The following UNC5D variants were observed in gnomAD, a reference collection of about 807,000 sequenced individuals.
UNC5D encodes netrin receptor UNC5D.
Under a neutral mutation model 105.4 loss-of-function variants are expected in UNC5D, and 39 were observed. The observed-to-expected ratio is 0.37, with a 90% confidence interval of 0.29 to 0.48. The LOEUF is 0.48. Among genes scored for constraint, UNC5D ranks in the 20% least tolerant of loss-of-function variants. The pLI, the probability that UNC5D is intolerant of heterozygous loss-of-function variation, is 0.98. For synonymous variants in UNC5D, 452 were observed against 450.4 expected, an observed-to-expected ratio of 1.00 and a Z score of -0.04; for missense variants, 991 against 1,202.4, an observed-to-expected ratio of 0.82 and a Z score of 2.60.
chr8:35,773,181 C>T (rs1332665638), intron 15 of UNC5D, among the ~76,000 whole-genome samples: 1 of 152,060 alleles, frequency 6.6e-6, no homozygotes, highest in Non-Finnish European at 1.5e-5. Context: ...CCTTAAAATT[C>T]TGTTAGTCCA....
Position 35,235,739 on chromosome 8 carries a change from T to C in UNC5D, c.-46T>C, listed in dbSNP as rs1802411344. 3.3e-6 allele frequency: 4 copies of C among 1,220,536 alleles called. No individual in the cohort carries two copies. The highest frequency in any genetic ancestry group is 4.1e-6 in the Non-Finnish European group (4 of 978,246). 75.6% of individuals were successfully genotyped at this position (1,220,536 alleles called of 1,614,324 possible). On this transcript the variant is annotated 5_prime_UTR_variant, in exon 1 of 17. Coordinates refer to ENST00000404895, the MANE Select transcript of UNC5D (RefSeq NM_080872.4). The stretch of plus-strand genomic sequence containing the variant: ...CCTCATCGCCGACCCTTTCCCGGGC[T>C]CCCGGAGCGTGAAGAAGAGCCGCCC...
intron 1 of UNC5D, chr8:35,544,389 G>A: frequency 1.2e-6 from 2 of 1,604,916 alleles, no homozygotes; most frequent in South Asian, 1.1e-5. Context: ...TCTATCAGTA[G>A]CGTTAAATAA....
At chr8:35,436,707 A>C (rs1266238161) in intron 1 of UNC5D, among the ~76,000 whole-genome samples, 1 of 152,122 alleles carries the variant, frequency 6.6e-6, no homozygotes, top group Non-Finnish European at 1.5e-5. Context: ...AGACTGGAAG[A>C]CAAAAATTTT....
chr8:35,611,102 C>A (rs532717648), intron 4 of UNC5D, among the ~76,000 whole-genome samples: 1 of 148,876 alleles, frequency 6.7e-6, no homozygotes, highest in East Asian at 2.0e-4. Context: ...GTTCTTCCTT[C>A]TTCCTTCATT....
At chr8:35,297,561 G>T (rs1807586168) in intron 1 of UNC5D, among the ~76,000 whole-genome samples, 1 of 152,100 alleles carries the variant, frequency 6.6e-6, no homozygotes, top group Admixed American at 6.5e-5. Flanking sequence ...AAGGAACCTA[G>T]AATTCACTTC....
chr8:35,557,348 TG>T (rs1816628170), intron 2 of UNC5D, among the ~76,000 whole-genome samples: 1 of 152,192 alleles, frequency 6.6e-6, no homozygotes, highest in Non-Finnish European at 1.5e-5. Flanking sequence ...CTTATTATCC[TG>T]GGAAAACAAA....
At chr8:35,335,842 C>A (rs1252359229) in intron 1 of UNC5D, among the ~76,000 whole-genome samples, 8 of 140,754 alleles carry the variant, frequency 5.7e-5, no homozygotes, top group Admixed American at 1.6e-4. Context: ...CGACTCACTG[C>A]AAGCTCCGCC....
intron 1 of UNC5D, among the ~76,000 whole-genome samples, chr8:35,540,275 T>G (rs547413605): frequency 4.6e-5 from 7 of 152,322 alleles, no homozygotes; most frequent in African/African-American, 1.7e-4. Flanking sequence ...AAATGAATAA[T>G]TGTTATAAAT....
chr8:35,408,725 C>T (rs543986494), intron 1 of UNC5D, among the ~76,000 whole-genome samples: 2 of 151,726 alleles, frequency 1.3e-5, no homozygotes, highest in South Asian at 4.2e-4. Flanking sequence ...AAACTTAAAT[C>T]CCACAGTGTA....
intron 1 of UNC5D, among the ~76,000 whole-genome samples, chr8:35,242,519 C>A (rs1028494716): frequency 1.3e-5 from 2 of 152,132 alleles, no homozygotes; most frequent in Non-Finnish European, 2.9e-5. Flanking sequence ...CGCTCTGTCA[C>A]CAGGCTGCAG....
intron 1 of UNC5D, among the ~76,000 whole-genome samples, chr8:35,542,720 C>T (rs1341426394): frequency 6.6e-6 from 1 of 152,128 alleles, no homozygotes; most frequent in Non-Finnish European, 1.5e-5. Context: ...ACTAATATAG[C>T]TACAGGGAGC....
rs1189500802 is a variant in UNC5D at position 35,549,456 on chromosome 8, G to A, written c.268G>A (p.Glu90Lys). Reference sequence around the variant, plus strand: ...GCAGATATTCTTCAAATGCAACGGCGAGTGGGTCCATCAGAACGAGCACGT... The same window carrying A: ...GCAGATATTCTTCAAATGCAACGGCAAGTGGGTCCATCAGAACGAGCACGT... ...AMQIFFKCNG[E>K]WVHQNEHVSE... Residue 90 changes from glutamate (E) to lysine (K), a missense_variant, in exon 2 of 17, where the codon GAG becomes AAG. Coordinates refer to ENST00000404895, the MANE Select transcript of UNC5D (RefSeq NM_080872.4). The A allele has an allele frequency of 6.2e-7, 1 of 1,612,694 alleles. No individual in the cohort carries two copies. The highest frequency in any genetic ancestry group is 8.5e-7 in the Non-Finnish European group (1 of 1,179,954).
intron 1 of UNC5D, among the ~76,000 whole-genome samples, chr8:35,461,914 G>A (rs1808921590): frequency 6.6e-6 from 1 of 152,128 alleles, no homozygotes; most frequent in South Asian, 2.1e-4. Flanking sequence ...AGCAGTTCAG[G>A]CACAACCTTC....
chr8:35,438,822 A>G (rs983041395), intron 1 of UNC5D, among the ~76,000 whole-genome samples: 7 of 152,044 alleles, frequency 4.6e-5, no homozygotes, highest in Admixed American at 1.3e-4. Context: ...CTTATCCAAG[A>G]ACAGGGAACA....
rs1330409122 is a variant in UNC5D at position 35,550,610 on chromosome 8, A to C, written c.322+1100A>C. Among the ~76,000 whole-genome samples the C allele has an allele frequency of 3.3e-5, 5 of 152,256 alleles. No individual in the cohort carries two copies. The East Asian group carries it at 9.6e-4, about 29-fold the overall frequency. Reference sequence around the variant, plus strand: ...AGTATTCAGAGATAGGTAAGAAAATAGCCCATAGGGGTGAACTTTACACAT... The same window carrying C: ...AGTATTCAGAGATAGGTAAGAAAATCGCCCATAGGGGTGAACTTTACACAT... On this transcript the variant is annotated intron_variant, in intron 2 of 16. Coordinates refer to ENST00000404895, the MANE Select transcript of UNC5D (RefSeq NM_080872.4).
chr8:35,334,637 C>T (rs1014210902), intron 1 of UNC5D, among the ~76,000 whole-genome samples: 3 of 152,018 alleles, frequency 2.0e-5, no homozygotes, highest in Admixed American at 1.3e-4. Context: ...CTCATCCTCC[C>T]GAGTAGCTGG....
At chr8:35,248,800 A>AATATAAT (rs1321062510) in intron 1 of UNC5D, among the ~76,000 whole-genome samples, 1 of 98,454 alleles carries the variant, frequency 1.0e-5, no homozygotes, top group Non-Finnish European at 1.8e-5. Context: ...AATATATAAA[A>AATATAAT]ATATAATATA....
chr8:35,243,598 C>G (rs1396446692), intron 1 of UNC5D, among the ~76,000 whole-genome samples: 1 of 151,920 alleles, frequency 6.6e-6, no homozygotes, highest in Non-Finnish European at 1.5e-5. Flanking sequence ...AAGAATGATC[C>G]GAAGTTCAGG....
chr8:35,410,247 T>C (rs1171298304), intron 1 of UNC5D, among the ~76,000 whole-genome samples: 1 of 152,000 alleles, frequency 6.6e-6, no homozygotes, highest in East Asian at 1.9e-4. Context: ...ATTTTGCTTT[T>C]TCTCCCCATA....
Sources: allele counts gnomAD v4.1 joint callset (sites outside exome capture counted in the v4.1 genomes callset), GRCh38; gene constraint gnomAD v4.1.1; transcripts MANE v1.5; gene names NCBI Gene and HGNC (gene_info 2026-07-23, HGNC 2026-07-21).